The following CDKAL1 variants were observed in gnomAD, a reference collection of about 807,000 sequenced individuals.
The protein encoded by CDKAL1 is threonylcarbamoyladenosine tRNA methylthiotransferase.
Under a neutral mutation model 68.2 loss-of-function variants are expected in CDKAL1, and 32 were observed. The observed-to-expected ratio is 0.47, with a 90% CI of 0.35 to 0.63. CDKAL1 has a LOEUF of 0.63. CDKAL1 is among the 30% of genes least tolerant of loss of function. The pLI is 0.00. For missense variants in CDKAL1, 606 were observed against 696.7 expected, an observed-to-expected ratio of 0.87 and a Z score of 1.47; for synonymous variants, 234 against 244.3, an observed-to-expected ratio of 0.96 and a Z score of 0.39.
At chr6:21,114,865 T>C (rs1404619897) in intron 13 of CDKAL1, among the ~76,000 whole-genome samples, 5 of 152,230 alleles carry the variant, frequency 3.3e-5, no homozygotes, top group African/African-American at 7.2e-5. Flanking sequence ...AAAATATTGA[T>C]ATATATTTCA....
intron 11 of CDKAL1, among the ~76,000 whole-genome samples, chr6:21,023,264 T>G (rs1768780520): frequency 6.6e-6 from 1 of 152,176 alleles, no homozygotes. Flanking sequence ...CGAGGTGATT[T>G]AAAGTCCACA....
At chr6:20,686,307 G>A (rs1205577465) in intron 5 of CDKAL1, among the ~76,000 whole-genome samples, 9 of 152,134 alleles carry the variant, frequency 5.9e-5, no homozygotes, top group Non-Finnish European at 1.0e-4. Context: ...AGCGGTGGGT[G>A]AGTGAGCCAA....
chr6:20,878,291 C>T (rs562201357), intron 9 of CDKAL1, among the ~76,000 whole-genome samples: 5 of 152,232 alleles, frequency 3.3e-5, no homozygotes, highest in African/African-American at 1.2e-4. Context: ...ACAACAAGAT[C>T]GAATTTCTTA....
rs1181180095 is a variant in CDKAL1 at position 20,957,563 on chromosome 6, C to G, written c.909+1978C>G. Among the ~76,000 whole-genome samples the G allele has an allele frequency of 2.0e-5, 3 of 152,266 alleles. No individual in the cohort carries two copies. The East Asian group carries it at 5.8e-4, about 29-fold the overall frequency. On this transcript the variant is annotated intron_variant, in intron 10 of 15. Coordinates refer to ENST00000274695, the MANE Select transcript of CDKAL1 (RefSeq NM_017774.3). ...TTTTAAAATCCTCTGAAGTATGTAT[C>G]ATGTTGGCCTTTCCTCCTACATTGT...
chr6:21,225,297 C>T (rs1018705957), intron 15 of CDKAL1, among the ~76,000 whole-genome samples: 1 of 152,076 alleles, frequency 6.6e-6, no homozygotes, highest in Non-Finnish European at 1.5e-5. Context: ...GGTTTTAGTT[C>T]GGAGCTTTCC....
At position 21,166,063 on chromosome 6, in the gene CDKAL1, T is replaced by C. The variant is rs150793317; in HGVS notation, c.1300-31958T>C. On this transcript the variant is annotated intron_variant, in intron 13 of 15. Coordinates refer to ENST00000274695, the MANE Select transcript of CDKAL1 (RefSeq NM_017774.3). ...AATAATAGTGCTTACCTCATAGAGT[T>C]GCTGTGAGCATTACACATGTTACAT... Among the ~76,000 whole-genome samples the C allele has an allele frequency of 3.3e-5, 5 of 152,360 alleles. No homozygotes were observed. In the East Asian group the frequency reaches 9.6e-4, roughly 29 times the overall value.
intron 4 of CDKAL1, among the ~76,000 whole-genome samples, chr6:20,628,940 G>A (rs181841706): frequency 1.3e-5 from 2 of 151,948 alleles, no homozygotes; most frequent in East Asian, 1.9e-4. Flanking sequence ...ACTTTATTGT[G>A]TGTTTCCTAT....
At chr6:20,927,415 A>G (rs867593527) in intron 9 of CDKAL1, among the ~76,000 whole-genome samples, 69 of 152,196 alleles carry the variant, frequency 4.5e-4, no homozygotes, top group Non-Finnish European at 3.2e-4. Context: ...AGCACCTCCT[A>G]TTTTGAAACT....
At position 20,573,736 on chromosome 6, in the gene CDKAL1, T is replaced by C. The variant is rs184948554; in HGVS notation, c.286+25031T>C. ...CTTAACATCAGAAAAATATGTCCTT[T>C]ACCCATACAGTGACTTTAGATTGGA... is the stretch of plus-strand genomic sequence containing the variant. On this transcript the variant is annotated intron_variant, in intron 4 of 15. Transcript: ENST00000274695. 1.4e-3 allele frequency among the ~76,000 whole-genome samples: 210 copies of C among 152,308 alleles called. 1 individual carries two copies. Among genetic ancestry groups the C allele is most frequent in the Admixed American group, 3.3e-3 (50 of 15,302 alleles).
chr6:21,167,764 G>A (rs757978694), intron 13 of CDKAL1, among the ~76,000 whole-genome samples: 1 of 152,132 alleles, frequency 6.6e-6, no homozygotes, highest in Non-Finnish European at 1.5e-5. Context: ...AAATAAATCA[G>A]GAGATTCCAT....
intron 13 of CDKAL1, among the ~76,000 whole-genome samples, chr6:21,114,738 CAAAAAAA>C (rs1309674834): frequency 3.3e-5 from 5 of 149,500 alleles, no homozygotes; most frequent in South Asian, 2.1e-4. Context: ...GACATTGTCT[CAAAAAAA>C]GAAAAAAGAA....
chr6:21,165,151 C>A (rs1777100953), intron 13 of CDKAL1, among the ~76,000 whole-genome samples: 1 of 152,234 alleles, frequency 6.6e-6, no homozygotes, highest in Non-Finnish European at 1.5e-5. Flanking sequence ...ACATCCACTT[C>A]CTTAGCCCTT....
intron 12 of CDKAL1, among the ~76,000 whole-genome samples, chr6:21,103,970 G>C (rs538576684): frequency 6.6e-6 from 1 of 152,330 alleles, no homozygotes; most frequent in East Asian, 1.9e-4. Flanking sequence ...AGGCTCGACA[G>C]GTTTTGTAGA....
intron 11 of CDKAL1, among the ~76,000 whole-genome samples, chr6:21,000,658 G>A (rs1767380816): frequency 1.3e-5 from 2 of 152,204 alleles, no homozygotes; most frequent in African/African-American, 2.4e-5. Context: ...TGACCTGGTG[G>A]ATGAAAACTG....
At chr6:21,166,612 T>C (rs932240186) in intron 13 of CDKAL1, among the ~76,000 whole-genome samples, 4 of 152,170 alleles carry the variant, frequency 2.6e-5, no homozygotes, top group Non-Finnish European at 5.9e-5. Flanking sequence ...AATCTCCTCA[T>C]CTGAAATTTC....
intron 13 of CDKAL1, among the ~76,000 whole-genome samples, chr6:21,181,561 C>T (rs2151086763): frequency 6.6e-6 from 1 of 152,266 alleles, no homozygotes; most frequent in African/African-American, 2.4e-5. Context: ...GCCTTTAGAA[C>T]CATGAGAAAA....
intron 4 of CDKAL1, among the ~76,000 whole-genome samples, chr6:20,584,423 A>C (rs1765261131): frequency 6.6e-6 from 1 of 152,174 alleles, no homozygotes; most frequent in Non-Finnish European, 1.5e-5. Context: ...ATTTTGGGAT[A>C]TTAGACAGGA....
chr6:20,903,247 C>A (rs545654057), intron 9 of CDKAL1, among the ~76,000 whole-genome samples: 1 of 152,238 alleles, frequency 6.6e-6, no homozygotes, highest in Admixed American at 6.5e-5. Flanking sequence ...ATCTTAATTT[C>A]TGTTTCAAAG....
At chr6:20,894,562 T>C (rs1258722922) in intron 9 of CDKAL1, among the ~76,000 whole-genome samples, 1 of 152,204 alleles carries the variant, frequency 6.6e-6, no homozygotes, top group Non-Finnish European at 1.5e-5. Context: ...AGGCTACACT[T>C]CTGAATCAGA....
Sources: allele counts gnomAD v4.1 joint callset (sites outside exome capture counted in the v4.1 genomes callset), GRCh38; gene constraint gnomAD v4.1.1; transcripts MANE v1.5; gene names NCBI Gene and HGNC (gene_info 2026-07-23, HGNC 2026-07-21).